ANKRD30BL: variants seen among roughly 807,000 people sequenced by gnomAD.
The protein encoded by ANKRD30BL is ankyrin repeat domain 30B like.
In ANKRD30BL, 20 loss-of-function variants were observed where a neutral mutation model predicts 18.4. That is an observed-to-expected ratio of 1.09 (90% CI 0.77 to 1.58). The LOEUF (loss-of-function observed/expected upper bound fraction) is 1.58. Ranked by LOEUF, ANKRD30BL falls within the 40% of genes most tolerant of loss-of-function variation. The pLI is 0.00. For synonymous variants in ANKRD30BL, 72 were observed against 100.9 expected (o/e 0.71, Z 1.72); for missense variants, 224 against 268.6 (o/e 0.83, Z 1.16).
At chr2:132,163,687 G>C (rs1688132375), upstream of ANKRD30BL, among the ~76,000 whole-genome samples, 1 of 152,194 alleles carries the variant, frequency 6.6e-6, no homozygotes, top group African/African-American at 2.4e-5. Flanking sequence ...CCATGTTCTT[G>C]CCTCCAGGGG....
At chr2:132,169,076 T>A (rs1215527814) in intron 1 of ANKRD30BL, among the ~76,000 whole-genome samples, 1 of 152,146 alleles carries the variant, frequency 6.6e-6, no homozygotes, top group Non-Finnish European at 1.5e-5. Context: ...TCTCCTTTGA[T>A]AACACTTAAT....
At position 132,160,401 on chromosome 2, in the gene ANKRD30BL, C is replaced by CTTTTTT. The variant is rs33924872; in HGVS notation, c.218+1081_218+1086dup. Among the ~76,000 whole-genome samples the CTTTTTT allele has an allele frequency of 1.9e-3, 184 of 97,540 alleles. 3 individuals carry two copies. The highest frequency in any genetic ancestry group is 7.7e-3 in the African/African-American group (178 of 23,048). The allele number at this position is 97,540 out of a possible 152,430, so 64.0% of individuals were successfully genotyped here. On this transcript the variant is annotated intron_variant, in intron 1 of 5. Transcript: ENST00000409867. ...CAGGCATGAGCCACGACGCCTGGCC[C>CTTTTTT]TTTTTTTTTTTTTTTTTCAAATTTT...
chr2:132,243,287 G>A (rs1376341608), intron 1 of ANKRD30BL, among the ~76,000 whole-genome samples: 1 of 151,788 alleles, frequency 6.6e-6, no homozygotes, highest in Admixed American at 6.6e-5. Context: ...TCAACTCACA[G>A]AGTTAAACCT....
intron 1 of ANKRD30BL, among the ~76,000 whole-genome samples, chr2:132,227,706 A>G (rs2104778662): frequency 6.6e-6 from 1 of 152,268 alleles, no homozygotes; most frequent in South Asian, 2.1e-4. Flanking sequence ...CCTATAGTGG[A>G]AAAGGAAATA....
intron 1 of ANKRD30BL, among the ~76,000 whole-genome samples, chr2:132,253,883 C>A (rs1298713181): frequency 6.6e-6 from 1 of 152,090 alleles, no homozygotes; most frequent in Non-Finnish European, 1.5e-5. Flanking sequence ...CGGGCCGGGC[C>A]GGGCCAGTGG....
chr2:132,201,429 G>T (rs2104747718), intron 1 of ANKRD30BL, among the ~76,000 whole-genome samples: 1 of 152,092 alleles, frequency 6.6e-6, no homozygotes, highest in East Asian at 1.9e-4. Context: ...AATCTACAAT[G>T]AACTCAAACA....
intron 1 of ANKRD30BL, among the ~76,000 whole-genome samples, chr2:132,234,220 C>T (rs1680093145): frequency 6.6e-6 from 1 of 151,958 alleles, no homozygotes; most frequent in Non-Finnish European, 1.5e-5. Context: ...ACTAAATGCC[C>T]ACAAGAGAAA....
intron 1 of ANKRD30BL, among the ~76,000 whole-genome samples, chr2:132,177,546 T>C (rs547194454): frequency 7.6e-4 from 115 of 152,288 alleles, no homozygotes; most frequent in Non-Finnish European, 1.4e-3. Context: ...GTAAGACAGA[T>C]AATTCAGAGC....
chr2:132,177,238 G>A (rs1688380665), intron 1 of ANKRD30BL, among the ~76,000 whole-genome samples: 1 of 151,614 alleles, frequency 6.6e-6, no homozygotes, highest in Non-Finnish European at 1.5e-5. Flanking sequence ...ACTGCAACCT[G>A]AGCCTCCTGG....
intron 1 of ANKRD30BL, among the ~76,000 whole-genome samples, chr2:132,197,616 C>A (rs1250924213): frequency 2.0e-5 from 3 of 151,366 alleles, no homozygotes; most frequent in Non-Finnish European, 4.4e-5. Context: ...TTCTTATTAT[C>A]TTTCTTAATT....
At chr2:132,182,532 G>A (rs1406063050) in intron 1 of ANKRD30BL, among the ~76,000 whole-genome samples, 1 of 151,774 alleles carries the variant, frequency 6.6e-6, no homozygotes, top group Non-Finnish European at 1.5e-5. Flanking sequence ...TCACTTGCCT[G>A]ACCCATAAAT....
chr2:132,240,630 C>T (rs114326328), intron 1 of ANKRD30BL, among the ~76,000 whole-genome samples: 2 of 150,654 alleles, frequency 1.3e-5, no homozygotes, highest in Non-Finnish European at 3.0e-5. Context: ...TATAGGGATA[C>T]CTTTGAGAAT....
At chr2:132,187,978 C>T (rs1385750788) in intron 1 of ANKRD30BL, among the ~76,000 whole-genome samples, 4 of 152,072 alleles carry the variant, frequency 2.6e-5, no homozygotes, top group Non-Finnish European at 5.9e-5. Flanking sequence ...TCGAACTAAC[C>T]TCAGGTGATT....
intron 1 of ANKRD30BL, among the ~76,000 whole-genome samples, chr2:132,187,038 G>A (rs1474494726): frequency 6.6e-6 from 1 of 151,858 alleles, no homozygotes; most frequent in Non-Finnish European, 1.5e-5. Context: ...TTCCCTCAAG[G>A]GTTGATGATA....
intron 1 of ANKRD30BL, among the ~76,000 whole-genome samples, chr2:132,181,181 G>A (rs1251012308): frequency 1.3e-5 from 2 of 151,148 alleles, no homozygotes; most frequent in African/African-American, 4.9e-5. Flanking sequence ...ATTAAAATGA[G>A]GGATAAATGG....
At chr2:132,187,956 G>C (rs1168309550) in intron 1 of ANKRD30BL, among the ~76,000 whole-genome samples, 2 of 151,910 alleles carry the variant, frequency 1.3e-5, no homozygotes, top group African/African-American at 2.4e-5. Flanking sequence ...GACCATGTTG[G>C]CCTGGCTGGT....
chr2:132,197,861 G>A (rs867412806), intron 1 of ANKRD30BL, among the ~76,000 whole-genome samples: 1 of 151,950 alleles, frequency 6.6e-6, no homozygotes, highest in Middle Eastern at 3.8e-3. Context: ...CCCTGTTTTA[G>A]TTCCTATGAA....
At chr2:132,221,607 C>G (rs1447524442) in intron 1 of ANKRD30BL, among the ~76,000 whole-genome samples, 1 of 130,750 alleles carries the variant, frequency 7.6e-6, no homozygotes. Flanking sequence ...GGGATCAGCC[C>G]CCCGCCCGGC....
intron 1 of ANKRD30BL, among the ~76,000 whole-genome samples, chr2:132,229,229 T>C (rs1218236687): frequency 6.6e-6 from 1 of 152,162 alleles, no homozygotes; most frequent in African/African-American, 2.4e-5. Context: ...TTGTAGAATC[T>C]GCAAGTGGAC....
Sources: gnomAD v4.1 joint callset for allele counts (sites outside exome capture counted in the v4.1 genomes callset) on GRCh38, gnomAD v4.1.1 for gene constraint, MANE v1.5 for transcripts, NCBI Gene and HGNC (gene_info 2026-07-23, HGNC 2026-07-21) for gene names.